The following MCUB variants were observed in gnomAD, a reference collection of about 807,000 sequenced individuals.
The protein encoded by MCUB is mitochondrial calcium uniporter dominant negative subunit beta.
MCUB carries 46 observed loss-of-function variants against 41.4 expected under a neutral mutation model. The ratio of observed to expected loss-of-function variants is 1.11; its 90% confidence interval spans 0.88 to 1.42. The LOEUF (loss-of-function observed/expected upper bound fraction) is 1.42. Ranked by LOEUF, MCUB falls within the 40% of genes most tolerant of loss-of-function variation. MCUB has a pLI of 0.00. For missense variants in MCUB, 403 were observed against 404.9 expected (o/e 1.00, Z 0.04); for synonymous variants, 148 against 148.2 (o/e 1.00, Z 0.01).
intron 1 of MCUB, among the ~76,000 whole-genome samples, chr4:109,572,414 C>A (rs1726934499): frequency 6.6e-6 from 1 of 152,042 alleles, no homozygotes; most frequent in African/African-American, 2.4e-5. Flanking sequence ...GCTAAATGAG[C>A]AATAATAGTT....
intron 6 of MCUB, chr4:109,684,884 A>C (rs1729802196): frequency 2.3e-6 from 1 of 441,088 alleles, no homozygotes; most frequent in Non-Finnish European, 4.0e-6. Flanking sequence ...ATTGGGATAA[A>C]TATGTGTTCT....
At chr4:109,591,516 G>A (rs1202923419) in intron 1 of MCUB, among the ~76,000 whole-genome samples, 6 of 152,006 alleles carry the variant, frequency 3.9e-5, no homozygotes, top group African/African-American at 1.4e-4. Context: ...TGTAGACTTT[G>A]TTGGTTCAGT....
chr4:109,671,812 C>T (rs1729465050), intron 4 of MCUB, among the ~76,000 whole-genome samples: 1 of 152,080 alleles, frequency 6.6e-6, no homozygotes, highest in South Asian at 2.1e-4. Flanking sequence ...GAAAGCTAGA[C>T]ATGATGTATC....
At chr4:109,655,240 A>G (rs1378343788) in intron 1 of MCUB, among the ~76,000 whole-genome samples, 1 of 152,230 alleles carries the variant, frequency 6.6e-6, no homozygotes, top group Non-Finnish European at 1.5e-5. Context: ...GGGAGGTCCC[A>G]AGCCCAGAAG....
intron 1 of MCUB, among the ~76,000 whole-genome samples, chr4:109,591,774 C>G (rs192566842): frequency 2.4e-3 from 366 of 152,132 alleles, no homozygotes; most frequent in African/African-American, 8.4e-3. Flanking sequence ...TTTCAGCTCA[C>G]TGCAACCCCC....
intron 1 of MCUB, among the ~76,000 whole-genome samples, chr4:109,627,660 C>T (rs1728388893): frequency 1.3e-5 from 2 of 152,154 alleles, no homozygotes; most frequent in Non-Finnish European, 2.9e-5. Context: ...CACCTGTAAT[C>T]CCAGCACTTT....
intron 1 of MCUB, among the ~76,000 whole-genome samples, chr4:109,566,917 C>T (rs77122398): frequency 0.04 from 6,040 of 152,176 alleles, 182 homozygotes; most frequent in Non-Finnish European, 0.057. Flanking sequence ...TTAAGACCAG[C>T]CTGACCAATA....
At chr4:109,626,501 AT>A (rs895386137) in intron 1 of MCUB, among the ~76,000 whole-genome samples, 39 of 148,430 alleles carry the variant, frequency 2.6e-4, no homozygotes, top group Admixed American at 4.7e-4. Context: ...GAGAATCAGG[AT>A]TTTTTTTTTT....
intron 1 of MCUB, among the ~76,000 whole-genome samples, chr4:109,639,980 T>C (rs887890666): frequency 6.6e-6 from 1 of 152,168 alleles, no homozygotes; most frequent in Non-Finnish European, 1.5e-5. Flanking sequence ...AGGCTTTGTG[T>C]GAGTAACAAG....
intron 5 of MCUB, among the ~76,000 whole-genome samples, chr4:109,683,973 A>G (rs1231364503): frequency 6.6e-6 from 1 of 152,000 alleles, no homozygotes; most frequent in Non-Finnish European, 1.5e-5. Flanking sequence ...ATGAGCATTT[A>G]CTCATTCATG....
intron 1 of MCUB, among the ~76,000 whole-genome samples, chr4:109,591,447 A>C (rs755283639): frequency 2.0e-5 from 3 of 152,064 alleles, no homozygotes; most frequent in Admixed American, 1.3e-4. Flanking sequence ...TGGCCTCCCA[A>C]AGTCCTGGGA....
intron 4 of MCUB, among the ~76,000 whole-genome samples, chr4:109,672,859 C>T (rs1033454448): frequency 6.6e-6 from 1 of 152,120 alleles, no homozygotes; most frequent in Non-Finnish European, 1.5e-5. Context: ...AGTACTTTTA[C>T]TTTTTGATAT....
At chr4:109,615,661 G>T (rs945969827) in intron 1 of MCUB, among the ~76,000 whole-genome samples, 19 of 152,108 alleles carry the variant, frequency 1.2e-4, no homozygotes, top group African/African-American at 4.6e-4. Context: ...CGCCCGCCTC[G>T]GCCTCCCAAA....
Position 109,560,312 on chromosome 4 carries a change from G to T in MCUB, c.-26G>T. 1 of 1,188,256 alleles carries T rather than the reference G, an allele frequency of 8.4e-7. No individual in the cohort carries two copies. Among genetic ancestry groups the T allele is most frequent in the South Asian group, 3.4e-5 (1 of 29,066 alleles). The allele number at this position is 1,188,256 out of a possible 1,614,324, so 73.6% of individuals were successfully genotyped here. On this transcript the variant is annotated 5_prime_UTR_variant, in exon 1 of 8. Transcript: ENST00000394650. ...GGGAGGATGCGCCGCTGACGCCTGC[G>T]GGAGCCGCGCGCCTGGGGCGGGAGG...
At chr4:109,649,042 C>A (rs1048936759) in intron 1 of MCUB, among the ~76,000 whole-genome samples, 7 of 152,140 alleles carry the variant, frequency 4.6e-5, no homozygotes, top group African/African-American at 1.7e-4. Context: ...CTCATGCATT[C>A]TTATTCCTTG....
chr4:109,623,349 G>A (rs1157885131), intron 1 of MCUB, among the ~76,000 whole-genome samples: 1 of 152,206 alleles, frequency 6.6e-6, no homozygotes, highest in Non-Finnish European at 1.5e-5. Context: ...CACTAAAAGA[G>A]TGAATGAATG....
At chr4:109,568,513 C>T (rs1276098329) in intron 1 of MCUB, among the ~76,000 whole-genome samples, 2 of 151,996 alleles carry the variant, frequency 1.3e-5, no homozygotes, top group Non-Finnish European at 2.9e-5. Context: ...GGCGGTAGTG[C>T]CTCTCTCCCT....
chr4:109,653,700 C>A (rs949554378), intron 1 of MCUB, among the ~76,000 whole-genome samples: 6 of 152,130 alleles, frequency 3.9e-5, no homozygotes, highest in African/African-American at 1.4e-4. Flanking sequence ...CCTCAGCCAC[C>A]TGAGTAGCTG....
At chr4:109,659,313 C>T (rs78809144) in intron 2 of MCUB, among the ~76,000 whole-genome samples, 5,215 of 151,870 alleles carry the variant, frequency 0.034, 296 homozygotes, top group African/African-American at 0.12. Context: ...AAGCAATAGT[C>T]GGGTGGGTGT....
Sources: gnomAD v4.1 joint callset for allele counts (sites outside exome capture counted in the v4.1 genomes callset) on GRCh38, gnomAD v4.1.1 for gene constraint, MANE v1.5 for transcripts, NCBI Gene and HGNC (gene_info 2026-07-23, HGNC 2026-07-21) for gene names.